Variants in TRIM9 observed in about 807,000 individuals in gnomAD.
TRIM9 encodes E3 ubiquitin-protein ligase TRIM9.
TRIM9 carries 26 observed loss-of-function variants against 78.3 expected under a neutral mutation model. The ratio of observed to expected loss-of-function variants is 0.33; its 90% CI spans 0.24 to 0.46. The LOEUF (loss-of-function observed/expected upper bound fraction) is 0.46, where lower values mean the gene tolerates loss of function less well. Among genes scored for constraint, TRIM9 ranks in the 20% least tolerant of loss-of-function variants. The pLI is 1.00. For synonymous variants in TRIM9, 398 were observed against 416.5 expected (o/e 0.96, Z 0.54); for missense variants, 787 against 1,036.4 (o/e 0.76, Z 3.30).
chr14:51,080,771 A>G (rs554810857), intron 1 of TRIM9, among the ~76,000 whole-genome samples: 5 of 152,156 alleles, frequency 3.3e-5, no homozygotes, highest in Non-Finnish European at 4.4e-5. Context: ...ACCTTATGAT[A>G]TTATACTGAG....
chr14:50,979,500 A>AGTCGAG lies in TRIM9; in HGVS notation c.2206_2211dup (p.Asp737_Leu738dup). 1 of 1,614,154 alleles carries AGTCGAG rather than the reference A, an allele frequency of 6.2e-7. No individual in the cohort carries two copies. The highest frequency in any genetic ancestry group is 2.2e-5 in the East Asian group (1 of 44,872). On this transcript the variant is annotated inframe_insertion, in exon 12 of 13. Transcript: ENST00000684578. ...AAAAATGTCAAGTTTTTTCTATTTA[A>AGTCGAG]GTCGAGGAGGACCCCAATTGTGGCC...
intron 1 of TRIM9, among the ~76,000 whole-genome samples, chr14:51,026,787 C>T (rs189192425): frequency 1.3e-5 from 2 of 152,194 alleles, no homozygotes; most frequent in Admixed American, 1.3e-4. Flanking sequence ...TCGCTCTATC[C>T]CCTATAAGTG....
intron 11 of TRIM9, among the ~76,000 whole-genome samples, chr14:50,979,939 T>C (rs1419037104): frequency 6.6e-6 from 1 of 152,218 alleles, no homozygotes; most frequent in Admixed American, 6.5e-5. Context: ...AAGTCGCCTT[T>C]GGGCTATCAG....
At chr14:51,079,404 G>A (rs949735511) in intron 1 of TRIM9, among the ~76,000 whole-genome samples, 2 of 152,092 alleles carry the variant, frequency 1.3e-5, no homozygotes, top group African/African-American at 2.4e-5. Context: ...GAACTTCCAG[G>A]TTCTACTAAG....
intron 1 of TRIM9, among the ~76,000 whole-genome samples, chr14:51,091,592 G>A (rs1198399909): frequency 1.3e-5 from 2 of 152,140 alleles, no homozygotes; most frequent in Admixed American, 6.5e-5. Flanking sequence ...TCCTTATTAA[G>A]TAAATAAGGT....
intron 1 of TRIM9, among the ~76,000 whole-genome samples, chr14:51,088,386 A>G (rs965299344): frequency 1.3e-5 from 2 of 152,222 alleles, no homozygotes; most frequent in African/African-American, 4.8e-5. Flanking sequence ...AATGTGAACT[A>G]CCTGCAGCCT....
At chr14:51,078,874 TTAA>T (rs1304607514) in intron 1 of TRIM9, among the ~76,000 whole-genome samples, 2 of 152,170 alleles carry the variant, frequency 1.3e-5, no homozygotes, top group African/African-American at 2.4e-5. Context: ...GGGATTTTTG[TTAA>T]ATAAGTAGAT....
chr14:50,999,273 T>C (rs2054625037), intron 6 of TRIM9, among the ~76,000 whole-genome samples: 1 of 150,568 alleles, frequency 6.6e-6, no homozygotes, highest in African/African-American at 2.5e-5. Context: ...AAAAAGATAA[T>C]AAAGGGAAAA....
At chr14:50,987,114 T>C (rs1038504671) in intron 7 of TRIM9, among the ~76,000 whole-genome samples, 4 of 152,228 alleles carry the variant, frequency 2.6e-5, no homozygotes, top group African/African-American at 9.6e-5. Context: ...ATTTAGGAAA[T>C]ACAGATGGTA....
intron 1 of TRIM9, among the ~76,000 whole-genome samples, chr14:51,048,757 G>T (rs2060150926): frequency 6.6e-6 from 1 of 152,030 alleles, no homozygotes; most frequent in Non-Finnish European, 1.5e-5. Context: ...GGCCGAGGCA[G>T]GCGGATCACG....
intron 6 of TRIM9, among the ~76,000 whole-genome samples, chr14:51,000,102 T>G (rs190386643): frequency 6.6e-6 from 1 of 152,072 alleles, no homozygotes; most frequent in African/African-American, 2.4e-5. Flanking sequence ...TTGCTTAGAA[T>G]AGGGAAGCTA....
chr14:51,066,107 G>A (rs969986387), intron 1 of TRIM9, among the ~76,000 whole-genome samples: 2 of 138,604 alleles, frequency 1.4e-5, no homozygotes, highest in Admixed American at 7.2e-5. Context: ...GAGGGACGGA[G>A]GGAGGGAGGG....
At chr14:51,069,816 G>T (rs1002634429) in intron 1 of TRIM9, among the ~76,000 whole-genome samples, 3 of 152,168 alleles carry the variant, frequency 2.0e-5, no homozygotes, top group African/African-American at 7.2e-5. Context: ...ATCTTCAGCT[G>T]CCATTTATCT....
intron 7 of TRIM9, 88 bp downstream of exon 7, chr14:50,997,962 G>A (rs1369024742): frequency 6.3e-7 from 1 of 1,578,964 alleles, no homozygotes; most frequent in Non-Finnish European, 8.6e-7. Context: ...TCAGGAATGT[G>A]GGCAGTGGTG....
intron 3 of TRIM9, among the ~76,000 whole-genome samples, chr14:51,013,725 C>T (rs949467045): frequency 6.6e-6 from 1 of 151,972 alleles, no homozygotes; most frequent in East Asian, 1.9e-4. Flanking sequence ...ACAACCACCA[C>T]CACCATATGT....
intron 1 of TRIM9, among the ~76,000 whole-genome samples, chr14:51,088,269 C>T (rs1213457525): frequency 6.6e-6 from 1 of 152,150 alleles, no homozygotes; most frequent in Admixed American, 6.5e-5. Flanking sequence ...TTGTGTGGCA[C>T]TCTAACAGAG....
intron 1 of TRIM9, among the ~76,000 whole-genome samples, chr14:51,033,056 T>A (rs1328965284): frequency 6.6e-6 from 1 of 152,214 alleles, no homozygotes; most frequent in African/African-American, 2.4e-5. Flanking sequence ...TCATTCTGGA[T>A]AAGAGATAAT....
intron 7 of TRIM9, among the ~76,000 whole-genome samples, chr14:50,990,237 C>T (rs2053321926): frequency 6.6e-6 from 1 of 152,096 alleles, no homozygotes; most frequent in African/African-American, 2.4e-5. Flanking sequence ...AGGCTGGTCT[C>T]AAACCACTGG....
intron 1 of TRIM9, among the ~76,000 whole-genome samples, chr14:51,029,059 C>A (rs2058501868): frequency 6.6e-6 from 1 of 152,138 alleles, no homozygotes; most frequent in Non-Finnish European, 1.5e-5. Context: ...CCGCCCAATG[C>A]CTGACTTGCC....
Sources: gnomAD v4.1 joint callset for allele counts (sites outside exome capture counted in the v4.1 genomes callset) on GRCh38, gnomAD v4.1.1 for gene constraint, MANE v1.5 for transcripts, NCBI Gene and HGNC (gene_info 2026-07-23, HGNC 2026-07-21) for gene names.